The following CAMSAP2 variants were observed in gnomAD, a reference collection of about 807,000 sequenced individuals.
CAMSAP2 encodes the protein calmodulin-regulated spectrin-associated protein 2.
In CAMSAP2, 26 loss-of-function variants were observed where a neutral mutation model predicts 146.1. The ratio of observed to expected loss-of-function variants is 0.18; its 90% CI spans 0.13 to 0.25. The LOEUF is 0.25. CAMSAP2 is among the 10% of genes least tolerant of loss of function. CAMSAP2 has a pLI of 1.00. For missense variants in CAMSAP2, 1,381 were observed against 1,759.3 expected (o/e 0.78, Z 3.85); for synonymous variants, 499 against 596.6 (o/e 0.84, Z 2.38).
At chr1:200,748,836 A>G (rs1032380463) in intron 1 of CAMSAP2, among the ~76,000 whole-genome samples, 1 of 150,918 alleles carries the variant, frequency 6.6e-6, no homozygotes, top group African/African-American at 2.4e-5. Flanking sequence ...TTGTCTCTCT[A>G]TCATGACTTC....
chr1:200,845,313 G>A (rs1049348269), intron 8 of CAMSAP2, among the ~76,000 whole-genome samples: 33 of 151,268 alleles, frequency 2.2e-4, no homozygotes, highest in African/African-American at 5.8e-4. Flanking sequence ...CCCACACAAC[G>A]GGTGGGTTTG....
In CAMSAP2 at chr1:200,832,180, G is replaced by T. The variant is rs1468154943; in HGVS notation, c.646-20G>T. On this transcript the variant is annotated intron_variant, in intron 4 of 16. Transcript: ENST00000358823. The surrounding 1 kb of genome is among the most constrained non-coding windows in gnomAD (Gnocchi z 4.2). ...TTATTTGGTACTTATTTATTTTCAT[G>T]TATTTTTTTTATATCGTAGGCTCGT... The T allele has an allele frequency of 8.9e-6, 14 of 1,580,186 alleles. No individual in the cohort carries two copies. The highest frequency in any genetic ancestry group is 1.1e-5 in the Non-Finnish European group (13 of 1,166,822).
rs140919459 is a variant in CAMSAP2 at position 200,830,672 on chromosome 1, T to C, written c.646-1528T>C. ...CCTCCCCATGGTTGATTTTAAGCTG[T>C]TTCTTAGCTGCAAAGTGAGGAATTT... On this transcript the variant is annotated intron_variant, in intron 4 of 16. Transcript: ENST00000358823. 1.9e-3 allele frequency among the ~76,000 whole-genome samples: 287 copies of C among 152,350 alleles called. 2 individuals carry two copies. The highest frequency in any genetic ancestry group is 6.1e-3 in the African/African-American group (254 of 41,582).
rs59237861 is a variant in CAMSAP2 at position 200,767,031 on chromosome 1, A to G, written c.399+5933A>G. On this transcript the variant is annotated intron_variant, in intron 2 of 16. Transcript: ENST00000358823. ...TAGGTGGACATGAGTTAATTGATAC[A>G]GTATTTAAGAATATGCAGGCAGGGC... 4.8e-3 allele frequency among the ~76,000 whole-genome samples: 734 copies of G among 152,270 alleles called. 5 individuals are homozygous for G. The highest frequency in any genetic ancestry group is 0.017 in the African/African-American group (689 of 41,570).
At chr1:200,809,599 C>T (rs1479561384) in intron 3 of CAMSAP2, among the ~76,000 whole-genome samples, 1 of 152,070 alleles carries the variant, frequency 6.6e-6, no homozygotes. Flanking sequence ...AGCATGGTGG[C>T]AGATGCCAGT....
intron 2 of CAMSAP2, among the ~76,000 whole-genome samples, chr1:200,769,534 G>A (rs1418994463): frequency 1.3e-5 from 2 of 152,138 alleles, no homozygotes; most frequent in African/African-American, 4.8e-5. Flanking sequence ...CCAGTCACAA[G>A]TCCAGGCCTC....
At chr1:200,768,717 G>A (rs1440380236) in intron 2 of CAMSAP2, among the ~76,000 whole-genome samples, 1 of 151,942 alleles carries the variant, frequency 6.6e-6, no homozygotes, top group Non-Finnish European at 1.5e-5. Context: ...GCAGTGGCGC[G>A]ATCTCGGCTC....
chr1:200,789,616 C>T (rs1665693008), intron 2 of CAMSAP2, among the ~76,000 whole-genome samples: 1 of 152,166 alleles, frequency 6.6e-6, no homozygotes, highest in Non-Finnish European at 1.5e-5. Flanking sequence ...CTTTATTCTT[C>T]TCCTTCAATA....
chr1:200,816,900 A>AT (rs1666551779), intron 4 of CAMSAP2, among the ~76,000 whole-genome samples: 2 of 50,306 alleles, frequency 4.0e-5, no homozygotes, highest in Non-Finnish European at 7.3e-5. Flanking sequence ...ATGTGTGTAC[A>AT]CACACACGCG....
chr1:200,847,340 C>T (rs1460621592), intron 9 of CAMSAP2, 48 bp downstream of exon 9: 1 of 1,295,076 alleles, frequency 7.7e-7, no homozygotes, highest in Non-Finnish European at 1.1e-6. Flanking sequence ...AAGTAGGTTA[C>T]CTGGGAAATG....
chr1:200,808,098 T>A (rs528646002), intron 3 of CAMSAP2, among the ~76,000 whole-genome samples: 2 of 152,326 alleles, frequency 1.3e-5, no homozygotes, highest in South Asian at 4.1e-4. Flanking sequence ...ATGAAAAAAT[T>A]CAGAACACTC....
chr1:200,849,033 T>C lies in CAMSAP2; in HGVS notation c.2264T>C (p.Met755Thr). Residue 755 changes from methionine to threonine, a missense_variant, in exon 11 of 17, where the codon ATG becomes ACG. Transcript: ENST00000358823. The surrounding 1 kb of genome is among the most constrained non-coding windows in gnomAD (Gnocchi z 6.3). Reference protein sequence around the residue: ...LLASEMVHLRMKLEEKRRAIE... With the variant: ...LLASEMVHLRTKLEEKRRAIE... Reference sequence around the variant, plus strand: ...GCCTCTGAAATGGTGCATCTTAGGATGAAACTAGAAGAAAAGAGGCGTGCT... The same window carrying C: ...GCCTCTGAAATGGTGCATCTTAGGACGAAACTAGAAGAAAAGAGGCGTGCT... 1 of 1,613,620 alleles carries C rather than the reference T, an allele frequency of 6.2e-7. No individual in the cohort carries two copies. Among genetic ancestry groups the C allele is most frequent in the African/African-American group, 1.3e-5 (1 of 74,804 alleles).
chr1:200,811,647 C>T (rs990545224), intron 3 of CAMSAP2, among the ~76,000 whole-genome samples: 12 of 152,252 alleles, frequency 7.9e-5, no homozygotes, highest in African/African-American at 1.9e-4. Flanking sequence ...TTGCTCTCTG[C>T]GGGGATTAGT....
intron 4 of CAMSAP2, among the ~76,000 whole-genome samples, chr1:200,816,289 A>T (rs1666481841): frequency 6.7e-6 from 1 of 149,552 alleles, no homozygotes; most frequent in Non-Finnish European, 1.5e-5. Flanking sequence ...CTCCATCTCA[A>T]ACAAAAAAAA....
At chr1:200,804,627 G>A (rs1439902276) in intron 2 of CAMSAP2, among the ~76,000 whole-genome samples, 2 of 152,084 alleles carry the variant, frequency 1.3e-5, no homozygotes, top group African/African-American at 2.4e-5. Context: ...CATTGTCTAG[G>A]AACAAAAGTG....
chr1:200,750,263 A>G (rs1196623399), intron 1 of CAMSAP2, among the ~76,000 whole-genome samples: 1 of 152,080 alleles, frequency 6.6e-6, no homozygotes, highest in African/African-American at 2.4e-5. Flanking sequence ...TGGATTCTGT[A>G]ATGGATTTTA....
At chr1:200,779,583 C>T (rs1046847616) in intron 2 of CAMSAP2, among the ~76,000 whole-genome samples, 3 of 151,926 alleles carry the variant, frequency 2.0e-5, no homozygotes, top group Non-Finnish European at 4.4e-5. Context: ...GGGCATGTTT[C>T]GAAGTGAAAA....
chr1:200,804,893 C>G (rs1433635636), intron 2 of CAMSAP2, among the ~76,000 whole-genome samples: 1 of 152,060 alleles, frequency 6.6e-6, no homozygotes, highest in Non-Finnish European at 1.5e-5. Flanking sequence ...TTTTGCTTTG[C>G]AACAAAATGA....
intron 2 of CAMSAP2, among the ~76,000 whole-genome samples, chr1:200,781,290 G>A (rs2103021978): frequency 6.6e-6 from 1 of 152,258 alleles, no homozygotes; most frequent in Non-Finnish European, 1.5e-5. Context: ...GTCTTTATTG[G>A]TTAGCAAATG....
Sources: gnomAD v4.1 joint callset for allele counts (sites outside exome capture counted in the v4.1 genomes callset) on GRCh38, gnomAD v4.1.1 for gene constraint, Gnocchi (gnomAD v3.1) non-coding constraint, MANE v1.5 for transcripts, NCBI Gene and HGNC (gene_info 2026-07-23, HGNC 2026-07-21) for gene names.